Variants in ZNF589 observed in about 807,000 individuals in gnomAD.
The protein encoded by ZNF589 is KRAB-zinc finger protein SZF1-1.
ZNF589 carries 17 observed loss-of-function variants against 13.6 expected under a neutral mutation model. That is an observed-to-expected ratio of 1.25 (90% CI 0.86 to 1.88). ZNF589 has a LOEUF of 1.88. Among genes scored for constraint, ZNF589 ranks in the 40% most tolerant of loss-of-function variants. ZNF589 has a pLI of 0.00. For synonymous variants in ZNF589, 148 were observed against 161.6 expected, an observed-to-expected ratio of 0.92 and a Z score of 0.64; for missense variants, 407 against 434.0, an observed-to-expected ratio of 0.94 and a Z score of 0.55.
chr3:48,270,480 G>A lies in ZNF589; in HGVS notation c.*1694G>A, dbSNP rs973987837. On this transcript the variant is annotated 3_prime_UTR_variant, in exon 4 of 4. Transcript: ENST00000354698. ...GCTCGGGTGGCTAAATTACATCCAGGAATGGTGCCAGGGCCTTTAGCCATT... is the reference window on the plus strand; with the variant it reads ...GCTCGGGTGGCTAAATTACATCCAGAAATGGTGCCAGGGCCTTTAGCCATT... The A allele has an allele frequency of 4.8e-5, 17 of 355,150 alleles. No homozygotes were observed. The highest frequency in any genetic ancestry group is 3.7e-4 in the South Asian group (17 of 46,016). The allele number at this position is 355,150 out of a possible 1,614,324, so 22.0% of individuals were successfully genotyped here.
chr3:48,255,884 G>A (rs775359172), intron 2 of ZNF589, among the ~76,000 whole-genome samples: 8 of 152,126 alleles, frequency 5.3e-5, no homozygotes, highest in Non-Finnish European at 1.2e-4. Context: ...GGGATTACAG[G>A]CACAAGCCAC....
At chr3:48,256,682 A>C in intron 2 of ZNF589, 1 of 1,430,748 alleles carries the variant, frequency 7.0e-7, no homozygotes, top group Non-Finnish European at 9.9e-7. Context: ...AAGCAGCAAA[A>C]CATCATCATA....
At chr3:48,258,814 G>C (rs1171085271) in intron 2 of ZNF589, among the ~76,000 whole-genome samples, 1 of 152,204 alleles carries the variant, frequency 6.6e-6, no homozygotes, top group Non-Finnish European at 1.5e-5. Flanking sequence ...ATTTGGACTT[G>C]TGCGGTCTGA....
At chr3:48,250,906 T>C (rs186118436) in intron 2 of ZNF589, among the ~76,000 whole-genome samples, 105 of 151,972 alleles carry the variant, frequency 6.9e-4, no homozygotes, top group Non-Finnish European at 1.2e-3. Context: ...AAATGGTTTT[T>C]TAAATATGAA....
chr3:48,250,818 G>C (rs1384829380), intron 2 of ZNF589, among the ~76,000 whole-genome samples: 1 of 151,968 alleles, frequency 6.6e-6, no homozygotes, highest in Non-Finnish European at 1.5e-5. Flanking sequence ...TTCTAGCCTA[G>C]AGCCTGCCTA....
chr3:48,265,471 G>A (rs923462369), intron 3 of ZNF589, among the ~76,000 whole-genome samples: 3 of 151,240 alleles, frequency 2.0e-5, no homozygotes, highest in Non-Finnish European at 4.4e-5. Flanking sequence ...ATTTTTAGTA[G>A]AGACGGGGTT....
intron 1 of ZNF589, 69 bp downstream of exon 1, chr3:48,241,283 C>T: frequency 6.3e-7 from 1 of 1,578,734 alleles, no homozygotes; most frequent in East Asian, 2.3e-5. Flanking sequence ...CAGGCGTCGG[C>T]CGTATCCACC....
chr3:48,268,115 G>A lies in ZNF589; in HGVS notation c.424G>A (p.Ala142Thr). The change falls in exon 4 of 4, where the codon GCA becomes ACA. Residue 142 changes from alanine to threonine, a missense_variant. Ala to Thr is a moderately conservative substitution (Grantham distance 58, BLOSUM62 0). Coordinates refer to ENST00000354698, the MANE Select transcript of ZNF589 (RefSeq NM_016089.3). ...PSDKNHRGAE[A>T]EDQRVEGGVR... ...TGATAAAAATCACAGGGGGGCTGAA[G>A]CAGAAGATCAACGAGTGGAAGGAGG... 6.2e-7 allele frequency: 1 copy of A among 1,614,200 alleles called. No homozygotes were observed. Among genetic ancestry groups the A allele is most frequent in the South Asian group, 1.1e-5 (1 of 91,082 alleles).
At chr3:48,241,765 C>T (rs1464758545) in intron 1 of ZNF589, among the ~76,000 whole-genome samples, 2 of 152,026 alleles carry the variant, frequency 1.3e-5, no homozygotes, top group African/African-American at 2.4e-5. Context: ...CTCCAGACCT[C>T]GTGATCCGCC....
intron 1 of ZNF589, among the ~76,000 whole-genome samples, chr3:48,242,600 G>GACAC: frequency 6.6e-6 from 1 of 152,014 alleles, no homozygotes; most frequent in African/African-American, 2.4e-5. Context: ...CACTGCACCT[G>GACAC]GTCTTGCAAA....
intron 1 of ZNF589, among the ~76,000 whole-genome samples, chr3:48,243,308 A>G (rs542471937): frequency 1.5e-4 from 23 of 151,712 alleles, no homozygotes; most frequent in African/African-American, 5.3e-4. Flanking sequence ...TTTCTGAAGT[A>G]AAGACTATTC....
In ZNF589 at chr3:48,260,706, G is replaced by A. The variant is rs568424200; in HGVS notation, c.97-107G>A. 7.8e-5 allele frequency: 120 copies of A among 1,530,920 alleles called. 2 individuals carry two copies. The East Asian group carries it at 2.3e-3, about 29-fold the overall frequency. 94.8% of individuals were successfully genotyped at this position (1,530,920 alleles called of 1,614,324 possible). ...TTGCAGGTGTGAGCCACCGTGCCCGGCCTAGATCAATTTCTTATGTAGCTA... is the reference window on the plus strand; with the variant it reads ...TTGCAGGTGTGAGCCACCGTGCCCGACCTAGATCAATTTCTTATGTAGCTA... On this transcript the variant is annotated intron_variant, in intron 2 of 3. Transcript: ENST00000354698.
chr3:48,248,834 T>A (rs1472965064), intron 2 of ZNF589, among the ~76,000 whole-genome samples: 1 of 152,200 alleles, frequency 6.6e-6, no homozygotes, highest in Non-Finnish European at 1.5e-5. Flanking sequence ...TAGGTTTGGA[T>A]TGATAATCAA....
intron 3 of ZNF589, among the ~76,000 whole-genome samples, chr3:48,267,310 TAACA>T (rs2034028455): frequency 1.3e-5 from 2 of 152,202 alleles, no homozygotes; most frequent in African/African-American, 4.8e-5. Context: ...CAGCTGAAGA[TAACA>T]AACAACCATG....
rs769340524 is a variant in ZNF589, at chr3:48,241,212, A to T, written c.41A>T (p.Glu14Val). The stretch of plus-strand genomic sequence containing the variant: ...GAGCAGCTACTGGGCTGGACTGCGG[A>T]AGGTGAGTCGGGGCCGCGAGATCGC... ...PREQLLGWTAEALPAKDSAWP... is the reference protein window; with the variant it reads ...PREQLLGWTAVALPAKDSAWP... The change falls in exon 1 of 4, where the codon GAA becomes GTA. Residue 14 changes from glutamate (E) to valine (V), a missense_variant and splice_region_variant. Coordinates refer to ENST00000354698, the MANE Select transcript of ZNF589 (RefSeq NM_016089.3). The T allele has an allele frequency of 1.9e-6, 3 of 1,612,248 alleles. No individual in the cohort carries two copies. In the South Asian group the frequency reaches 3.3e-5, roughly 18 times the overall value.
At position 48,260,873 on chromosome 3, in the gene ZNF589, A is replaced by C. The variant is rs2033963814; in HGVS notation, c.157A>C (p.Ser53Arg). The C allele has an allele frequency of 1.2e-6, 2 of 1,614,172 alleles. No homozygotes were observed. The highest frequency in any genetic ancestry group is 1.3e-5 in the African/African-American group (1 of 75,040). The change falls in exon 3 of 4, where the codon AGC (serine) becomes CGC (arginine). Residue 53 changes from serine (S) to arginine (R), a missense_variant. Ser to Arg is a moderately radical substitution (Grantham distance 110, BLOSUM62 -1). Coordinates refer to ENST00000354698, the MANE Select transcript of ZNF589 (RefSeq NM_016089.3). Reference protein sequence around the residue: ...LFTEAEWKRLSLEQRNLYKEV... With the variant: ...LFTEAEWKRLRLEQRNLYKEV... ...CACTGAGGCAGAGTGGAAGAGACTG[A>C]GCCTTGAGCAGAGGAACCTATACAA...
Position 48,270,258 on chromosome 3 carries a change from G to A in ZNF589, c.*1472G>A, listed in dbSNP as rs1471589230. 2.2e-6 allele frequency: 1 copy of A among 456,662 alleles called. No individual in the cohort carries two copies. The highest frequency in any genetic ancestry group is 2.4e-5 in the Admixed American group (1 of 42,486). The allele number at this position is 456,662 out of a possible 1,614,324, so 28.3% of individuals were successfully genotyped here. ...ACCAGGTCCCCTTCCTAACCCTCCA[G>A]TCCCAAATCCAAGATTCTTTAACCA... On this transcript the variant is annotated 3_prime_UTR_variant, in exon 4 of 4. Coordinates refer to ENST00000354698, the MANE Select transcript of ZNF589 (RefSeq NM_016089.3).
At position 48,247,624 on chromosome 3, in the gene ZNF589, G is replaced by C; in HGVS notation, c.44-1G>C. 6.2e-7 allele frequency: 1 copy of C among 1,611,996 alleles called. No homozygotes were observed. Among genetic ancestry groups the C allele is most frequent in the East Asian group, 2.2e-5 (1 of 44,812 alleles). Reference sequence around the variant, plus strand: ...TCAAGGTTGCTTCTTTCTTTCCCCAGCTCTGCCTGCCAAGGATTCTGCCTG... The same window carrying C: ...TCAAGGTTGCTTCTTTCTTTCCCCACCTCTGCCTGCCAAGGATTCTGCCTG... On this transcript the variant is annotated splice_acceptor_variant, in intron 1 of 3. Coordinates refer to ENST00000354698, the MANE Select transcript of ZNF589 (RefSeq NM_016089.3). LOFTEE classifies it high-confidence loss of function.
At position 48,245,720 on chromosome 3, in the gene ZNF589, G is replaced by A. The variant is rs184138500; in HGVS notation, c.44-1905G>A. Among the ~76,000 whole-genome samples the A allele has an allele frequency of 3.2e-3, 485 of 152,336 alleles. 1 individual carries two copies. Among genetic ancestry groups the A allele is most frequent in the Non-Finnish European group, 4.6e-3 (314 of 68,030 alleles). On this transcript the variant is annotated intron_variant, in intron 1 of 3. Transcript: ENST00000354698. ...CCCAGCATTTGGGAGGCCGAGGCAG[G>A]CAGATCACCTGAGGTCAGGAGTTCG...
Sources: gnomAD v4.1 joint callset for allele counts (sites outside exome capture counted in the v4.1 genomes callset) on GRCh38, gnomAD v4.1.1 for gene constraint, MANE v1.5 for transcripts, NCBI Gene and HGNC (gene_info 2026-07-23, HGNC 2026-07-21) for gene names.